The following MAD1L1 variants were observed in gnomAD, a reference collection of about 807,000 sequenced individuals.
The protein encoded by MAD1L1 is mitotic spindle assembly checkpoint protein MAD1.
In MAD1L1, 95 loss-of-function variants were observed where a neutral mutation model predicts 96.9. The ratio of observed to expected loss-of-function variants is 0.98; its 90% CI spans 0.83 to 1.16. The LOEUF is 1.16. Among genes scored for constraint, MAD1L1 ranks in the 50% most tolerant of loss-of-function variants. The pLI, the probability that MAD1L1 is intolerant of heterozygous loss-of-function variation, is 0.00. For missense variants in MAD1L1, 1,007 were observed against 954.4 expected, an observed-to-expected ratio of 1.06 and a Z score of -0.73; for synonymous variants, 473 against 396.6, an observed-to-expected ratio of 1.19 and a Z score of -2.29.
chr7:2,045,560 T>A (rs1235432691), intron 12 of MAD1L1, among the ~76,000 whole-genome samples: 2 of 152,242 alleles, frequency 1.3e-5, no homozygotes, highest in Non-Finnish European at 2.9e-5. Context: ...CGTTGGAGGC[T>A]AACCAGTGGA....
intron 12 of MAD1L1, among the ~76,000 whole-genome samples, chr7:2,026,266 G>A (rs1033661533): frequency 3.3e-5 from 5 of 152,142 alleles, no homozygotes; most frequent in African/African-American, 1.2e-4. Flanking sequence ...TCACCAGGAA[G>A]ATAATTCACA....
At chr7:2,018,925 C>T (rs899307564) in intron 12 of MAD1L1, among the ~76,000 whole-genome samples, 1 of 152,194 alleles carries the variant, frequency 6.6e-6, no homozygotes, top group African/African-American at 2.4e-5. Flanking sequence ...GCCCATCCCA[C>T]CTCAGCTCAG....
chr7:2,150,318 C>T (rs956438675), intron 10 of MAD1L1, among the ~76,000 whole-genome samples: 8 of 152,156 alleles, frequency 5.3e-5, no homozygotes, highest in African/African-American at 1.2e-4. Flanking sequence ...ACTGCAACCA[C>T]GGACCCCTAA....
chr7:2,004,408 T>A (rs889191216), intron 13 of MAD1L1, among the ~76,000 whole-genome samples: 1 of 152,262 alleles, frequency 6.6e-6, no homozygotes, highest in African/African-American at 2.4e-5. Context: ...AGGTGACAGC[T>A]ACAGGTGAGG....
At chr7:2,143,390 A>C (rs1402712422) in intron 11 of MAD1L1, among the ~76,000 whole-genome samples, 3 of 151,004 alleles carry the variant, frequency 2.0e-5, no homozygotes, top group Non-Finnish European at 4.4e-5. Flanking sequence ...CCAGGTGACA[A>C]GGCCTTGTTA....
intron 16 of MAD1L1, among the ~76,000 whole-genome samples, chr7:1,941,974 C>A (rs1779022876): frequency 1.3e-5 from 2 of 152,200 alleles, no homozygotes; most frequent in African/African-American, 4.8e-5. Flanking sequence ...AGGCAGAGCC[C>A]CTAGAGGCAG....
intron 10 of MAD1L1, among the ~76,000 whole-genome samples, chr7:2,169,333 T>C (rs138257966): frequency 2.0e-3 from 308 of 152,318 alleles, no homozygotes; most frequent in Non-Finnish European, 3.4e-3. Context: ...TATGTATCTG[T>C]ATTTCCCTAC....
chr7:2,117,626 T>A (rs2128559539), intron 11 of MAD1L1, among the ~76,000 whole-genome samples: 1 of 152,328 alleles, frequency 6.6e-6, no homozygotes, highest in East Asian at 1.9e-4. Context: ...TTCTCCTTCC[T>A]GTCACCATGT....
At chr7:1,924,201 T>C (rs893076283) in intron 17 of MAD1L1, among the ~76,000 whole-genome samples, 6 of 152,198 alleles carry the variant, frequency 3.9e-5, no homozygotes, top group African/African-American at 7.2e-5. Flanking sequence ...TTTCACAGTA[T>C]CTTAGAGATG....
At chr7:1,907,487 A>C (rs1004165195) in intron 17 of MAD1L1, among the ~76,000 whole-genome samples, 1 of 152,288 alleles carries the variant, frequency 6.6e-6, no homozygotes, top group Non-Finnish European at 1.5e-5. Flanking sequence ...CCATTAAACA[A>C]GGCAGCCCCT....
intron 17 of MAD1L1, among the ~76,000 whole-genome samples, chr7:1,899,347 A>G (rs985730779): frequency 3.9e-5 from 6 of 152,130 alleles, no homozygotes; most frequent in African/African-American, 1.2e-4. Context: ...TGCTGTCTGG[A>G]GCTGGCAATG....
At chr7:1,894,708 G>C (rs748687760) in intron 18 of MAD1L1, among the ~76,000 whole-genome samples, 1 of 152,136 alleles carries the variant, frequency 6.6e-6, no homozygotes, top group Non-Finnish European at 1.5e-5. Context: ...CTCCAAAGAG[G>C]GGAGGGGGCG....
At chr7:2,121,643 G>A (rs147631188) in intron 11 of MAD1L1, among the ~76,000 whole-genome samples, 44 of 152,302 alleles carry the variant, frequency 2.9e-4, no homozygotes, top group Middle Eastern at 3.4e-3. Flanking sequence ...GCAGGAGGCC[G>A]CTTGGGCCCA....
At chr7:1,876,075 C>T (rs1396979583) in intron 18 of MAD1L1, among the ~76,000 whole-genome samples, 4 of 152,210 alleles carry the variant, frequency 2.6e-5, no homozygotes, top group South Asian at 2.1e-4. Flanking sequence ...AGCCCCCCGC[C>T]GTGGGGCTCT....
intron 16 of MAD1L1, among the ~76,000 whole-genome samples, chr7:1,944,715 A>AC (rs1196632712): frequency 3.3e-5 from 5 of 150,844 alleles, no homozygotes; most frequent in Non-Finnish European, 7.4e-5. Flanking sequence ...CCTGACCATC[A>AC]CCCCCCACCC....
At chr7:2,198,400 A>G (rs1448445190) in intron 10 of MAD1L1, among the ~76,000 whole-genome samples, 1 of 152,042 alleles carries the variant, frequency 6.6e-6, no homozygotes, top group African/African-American at 2.4e-5. Context: ...AGCCAGGTAC[A>G]CACCCCCCTT....
At chr7:2,116,857 GCA>G (rs1007693630) in intron 11 of MAD1L1, among the ~76,000 whole-genome samples, 8 of 152,358 alleles carry the variant, frequency 5.3e-5, no homozygotes, top group Middle Eastern at 3.4e-3. Context: ...GGGCGGTGCT[GCA>G]CAAAGTCCCA....
At chr7:2,007,190 G>A (rs1159447393) in intron 13 of MAD1L1, among the ~76,000 whole-genome samples, 1 of 152,206 alleles carries the variant, frequency 6.6e-6, no homozygotes, top group Non-Finnish European at 1.5e-5. Context: ...GGGAAACGCT[G>A]GGCACGTCAG....
At chr7:1,998,714 G>A (rs934927605) in intron 14 of MAD1L1, among the ~76,000 whole-genome samples, 4 of 152,128 alleles carry the variant, frequency 2.6e-5, no homozygotes, top group African/African-American at 7.2e-5. Context: ...GGCTCTGGGT[G>A]TGTCCCCCAC....
Sources: allele counts gnomAD v4.1 joint callset (sites outside exome capture counted in the v4.1 genomes callset), GRCh38; gene constraint gnomAD v4.1.1; transcripts MANE v1.5; gene names NCBI Gene and HGNC (gene_info 2026-07-23, HGNC 2026-07-21).